IFT88: variants seen among roughly 807,000 people sequenced by gnomAD.
IFT88 encodes the protein intraflagellar transport 88.
IFT88 carries 74 observed loss-of-function variants against 119.5 expected under a neutral mutation model. That is an observed-to-expected ratio of 0.62 (90% CI 0.51 to 0.75). The LOEUF is 0.75. IFT88 is among the 30% of genes least tolerant of loss of function. The probability of loss-of-function intolerance (pLI) is 0.00; values close to 1 mark genes in which losing one functional copy is unlikely to be tolerated. For synonymous variants in IFT88, 279 were observed against 316.7 expected (o/e 0.88, Z 1.26); for missense variants, 961 against 977.7 (o/e 0.98, Z 0.23).
intron 24 of IFT88, among the ~76,000 whole-genome samples, chr13:20,673,129 CA>C (rs2141020109): frequency 6.6e-6 from 1 of 152,284 alleles, no homozygotes; most frequent in Admixed American, 6.5e-5. Flanking sequence ...CCGGATTCAC[CA>C]TCCCCTAAGG....
At chr13:20,647,537 G>T (rs2050934757) in intron 20 of IFT88, among the ~76,000 whole-genome samples, 1 of 152,014 alleles carries the variant, frequency 6.6e-6, no homozygotes, top group South Asian at 2.1e-4. Context: ...ATGATGTTTT[G>T]GCAATTGGTT....
chr13:20,666,134 C>G (rs1016393516), intron 23 of IFT88, among the ~76,000 whole-genome samples: 1 of 152,174 alleles, frequency 6.6e-6, no homozygotes, highest in South Asian at 2.1e-4. Context: ...GACAGAACCC[C>G]GTACTTTTTT....
intron 13 of IFT88, among the ~76,000 whole-genome samples, chr13:20,609,272 G>A (rs1198587352): frequency 6.6e-6 from 1 of 152,114 alleles, no homozygotes; most frequent in East Asian, 1.9e-4. Context: ...CTTCAAAATG[G>A]ACACAATTGC....
At chr13:20,670,888 G>A in intron 23 of IFT88, 85 bp from the exon 24 acceptor site, 1 of 1,123,090 alleles carries the variant, frequency 8.9e-7, no homozygotes, top group Non-Finnish European at 1.3e-6. Flanking sequence ...ATGTAGTAAT[G>A]TTAATTTTAA....
At chr13:20,595,873 G>A (rs2041555147) in intron 7 of IFT88, among the ~76,000 whole-genome samples, 1 of 151,782 alleles carries the variant, frequency 6.6e-6, no homozygotes, top group Non-Finnish European at 1.5e-5. Context: ...AGGAGACTCT[G>A]TCACTACAAA....
intron 14 of IFT88, among the ~76,000 whole-genome samples, chr13:20,623,414 T>A (rs2046831627): frequency 6.6e-6 from 1 of 152,212 alleles, no homozygotes; most frequent in Non-Finnish European, 1.5e-5. Context: ...AGTATTGATA[T>A]CTTAAATGTA....
chr13:20,594,749 A>G (rs958690978), intron 7 of IFT88, among the ~76,000 whole-genome samples: 16 of 152,228 alleles, frequency 1.1e-4, no homozygotes, highest in African/African-American at 2.9e-4. Flanking sequence ...ACCATCTATT[A>G]TGCTTACTGC....
chr13:20,629,066 A>G (rs2047791781), intron 15 of IFT88, among the ~76,000 whole-genome samples: 2 of 152,198 alleles, frequency 1.3e-5, no homozygotes, highest in South Asian at 4.1e-4. Context: ...GGATGTTGTA[A>G]ACATTAGAGA....
At position 20,601,884 on chromosome 13, in the gene IFT88, T is replaced by G. The variant is rs1230188894; in HGVS notation, c.992T>G (p.Leu331Trp). 1 of 1,609,836 alleles carries G rather than the reference T, an allele frequency of 6.2e-7. No homozygotes were observed. Among genetic ancestry groups the G allele is most frequent in the Non-Finnish European group, 8.5e-7 (1 of 1,176,142 alleles). Residue 331 changes from leucine (L) to tryptophan (W), a missense_variant, in exon 12 of 26, where the codon TTG (leucine) becomes TGG (tryptophan). By Grantham distance (61) the Leu-to-Trp change is moderately conservative. Coordinates refer to ENST00000351808, the MANE Select transcript of IFT88 (RefSeq NM_006531.5). The part of the protein sequence containing the change: ...REKMKKAFQK[L>W]ITVPLEIDED... ...AAAATGAAGAAGGCATTCCAAAAAT[T>G]GATTACTGTTCCATTAGAAATTGAT...
At chr13:20,595,476 G>A (rs1302156236) in intron 7 of IFT88, among the ~76,000 whole-genome samples, 1 of 151,812 alleles carries the variant, frequency 6.6e-6, no homozygotes, top group Non-Finnish European at 1.5e-5. Flanking sequence ...TTTTAGTAGA[G>A]GCAGGGTTTC....
intron 4 of IFT88, among the ~76,000 whole-genome samples, chr13:20,590,663 CAT>C (rs1351793335): frequency 6.6e-6 from 1 of 152,082 alleles, no homozygotes; most frequent in Non-Finnish European, 1.5e-5. Context: ...CTTTGCAGAT[CAT>C]ATGTTCTCTG....
At chr13:20,638,209 TA>T in intron 16 of IFT88, 122 bp from the exon 17 acceptor site, 1 of 519,632 alleles carries the variant, frequency 1.9e-6, no homozygotes, top group Non-Finnish European at 3.1e-6. Flanking sequence ...CCAAGATATG[TA>T]AAATATTTTT....
At chr13:20,600,877 G>A (rs1327675922) in intron 11 of IFT88, among the ~76,000 whole-genome samples, 3 of 152,116 alleles carry the variant, frequency 2.0e-5, no homozygotes, top group Non-Finnish European at 4.4e-5. Flanking sequence ...TACCAAGTAG[G>A]CAATGTATAA....
At chr13:20,577,778 G>A (rs1269891907) in intron 2 of IFT88, among the ~76,000 whole-genome samples, 3 of 152,036 alleles carry the variant, frequency 2.0e-5, no homozygotes, top group African/African-American at 7.2e-5. Context: ...GAGGATTTTT[G>A]CATCAATGTT....
intron 24 of IFT88, 56 bp downstream of exon 24, chr13:20,671,095 C>A: frequency 7.5e-7 from 1 of 1,336,102 alleles, no homozygotes. Flanking sequence ...AGTATGTGGG[C>A]TTCTGGAAAC....
chr13:20,614,529 CTG>C (rs1026128375), intron 13 of IFT88: 3 of 151,986 alleles, frequency 2.0e-5, no homozygotes, highest in Non-Finnish European at 4.4e-5. Flanking sequence ...AATTGTAGAA[CTG>C]GAGATCAGAT....
intron 23 of IFT88, among the ~76,000 whole-genome samples, chr13:20,666,924 TA>T (rs1407748840): frequency 1.3e-5 from 2 of 152,216 alleles, no homozygotes; most frequent in Non-Finnish European, 2.9e-5. Flanking sequence ...TCAACACATA[TA>T]TTTTTAAATG....
intron 8 of IFT88, 129 bp from the exon 9 acceptor site, chr13:20,596,886 C>T: frequency 5.8e-6 from 3 of 519,634 alleles, no homozygotes; most frequent in Non-Finnish European, 1.0e-5. Flanking sequence ...CTGGTAAGAG[C>T]ACACAGGGGT....
At chr13:20,643,382 G>C in intron 18 of IFT88, 73 bp from the exon 19 acceptor site, 1 of 1,145,820 alleles carries the variant, frequency 8.7e-7, no homozygotes. Context: ...TATTGTTACT[G>C]TAATGTTTTT....
Sources: gnomAD v4.1 joint callset for allele counts (sites outside exome capture counted in the v4.1 genomes callset) on GRCh38, gnomAD v4.1.1 for gene constraint, MANE v1.5 for transcripts, NCBI Gene and HGNC (gene_info 2026-07-23, HGNC 2026-07-21) for gene names.